The following PTPRM variants were observed in gnomAD, a reference collection of about 807,000 sequenced individuals.
PTPRM encodes receptor-type tyrosine-protein phosphatase mu.
A neutral mutation model predicts 186.7 loss-of-function variants in PTPRM; 47 were observed. The observed-to-expected ratio is 0.25, with a 90% CI of 0.20 to 0.32. The LOEUF is 0.32. Ranked by LOEUF, PTPRM falls within the 10% of genes least tolerant of loss-of-function variation. The pLI, the probability that PTPRM is intolerant of heterozygous loss-of-function variation, is 1.00. For missense variants in PTPRM, 1,494 were observed against 1,865.0 expected, an observed-to-expected ratio of 0.80 and a Z score of 3.66; for synonymous variants, 668 against 674.9, an observed-to-expected ratio of 0.99 and a Z score of 0.16.
At chr18:7,788,417 ATATACT>A (rs2043188754) in intron 2 of PTPRM, among the ~76,000 whole-genome samples, 2 of 152,336 alleles carry the variant, frequency 1.3e-5, no homozygotes, top group Admixed American at 1.3e-4. Flanking sequence ...AGTAGTATTC[ATATACT>A]TAGAATTAGG....
rs78675082 is a variant in PTPRM, at chr18:8,042,642, T to A, written c.1133-27044T>A. ...TTCTCCCCTACCCTTGAGCTTCAGA[T>A]CTAGTGTAAGTGACATGCTGGGTGT... On this transcript the variant is annotated intron_variant, in intron 7 of 32. Coordinates refer to ENST00000580170, the MANE Select transcript of PTPRM (RefSeq NM_001105244.2). 9.2e-5 allele frequency among the ~76,000 whole-genome samples: 14 copies of A among 152,134 alleles called. No homozygotes were observed. In the East Asian group the frequency reaches 2.7e-3, roughly 30 times the overall value.
chr18:8,089,392 G>A (rs977106894), intron 11 of PTPRM, among the ~76,000 whole-genome samples: 3 of 152,244 alleles, frequency 2.0e-5, no homozygotes, highest in South Asian at 4.1e-4. Context: ...ATCTAGGCCC[G>A]CATCTTATTC....
chr18:8,088,962 A>G, intron 11 of PTPRM, 111 bp downstream of exon 11: 1 of 807,774 alleles, frequency 1.2e-6, no homozygotes, highest in Non-Finnish European at 2.0e-6. Context: ...CCAGCATGTA[A>G]ATCCATATGT....
At chr18:7,750,575 C>A (rs1014409990) in intron 1 of PTPRM, among the ~76,000 whole-genome samples, 2 of 152,120 alleles carry the variant, frequency 1.3e-5, no homozygotes, top group Non-Finnish European at 2.9e-5. Flanking sequence ...ATATTTAAGA[C>A]CCTCCAACGC....
chr18:7,706,039 A>T (rs2040080899), intron 1 of PTPRM, among the ~76,000 whole-genome samples: 1 of 148,796 alleles, frequency 6.7e-6, no homozygotes. Flanking sequence ...CATACTATAT[A>T]TGTGTGTGTA....
intron 14 of PTPRM, among the ~76,000 whole-genome samples, chr18:8,222,674 T>G (rs1337366144): frequency 1.3e-5 from 2 of 152,230 alleles, no homozygotes; most frequent in Admixed American, 1.3e-4. Context: ...ATTATTCTCC[T>G]GCTCAGCAGG....
At chr18:8,129,062 GA>G (rs1487930886) in intron 13 of PTPRM, among the ~76,000 whole-genome samples, 1 of 151,996 alleles carries the variant, frequency 6.6e-6, no homozygotes, top group Non-Finnish European at 1.5e-5. Context: ...AAAGAATACT[GA>G]AAAGAAAGTT....
At chr18:7,996,186 A>G (rs1362554008) in intron 7 of PTPRM, among the ~76,000 whole-genome samples, 1 of 151,938 alleles carries the variant, frequency 6.6e-6, no homozygotes, top group East Asian at 1.9e-4. Context: ...TCTTTCTTAA[A>G]AAAAAAAATA....
At chr18:8,221,795 A>G (rs2094156081) in intron 14 of PTPRM, among the ~76,000 whole-genome samples, 1 of 152,186 alleles carries the variant, frequency 6.6e-6, no homozygotes, top group Admixed American at 6.5e-5. Context: ...TGGCCTACAG[A>G]TTTCCCTGTG....
At chr18:8,202,477 A>G (rs1338812420) in intron 14 of PTPRM, among the ~76,000 whole-genome samples, 1 of 152,188 alleles carries the variant, frequency 6.6e-6, no homozygotes, top group African/African-American at 2.4e-5. Flanking sequence ...TGCCTATGGC[A>G]TGCAGAAATT....
chr18:8,147,082 A>T (rs570822297), intron 14 of PTPRM, among the ~76,000 whole-genome samples: 1 of 152,120 alleles, frequency 6.6e-6, no homozygotes, highest in Non-Finnish European at 1.5e-5. Context: ...GTCAGGTAGC[A>T]TGATGCCTCC....
At chr18:8,114,497 A>G (rs922661964) in intron 12 of PTPRM, among the ~76,000 whole-genome samples, 2 of 152,122 alleles carry the variant, frequency 1.3e-5, no homozygotes, top group African/African-American at 4.8e-5. Flanking sequence ...CAAAGTACAG[A>G]TCTGGTCCTT....
intron 2 of PTPRM, among the ~76,000 whole-genome samples, chr18:7,887,391 G>A (rs1301961997): frequency 6.6e-6 from 1 of 152,148 alleles, no homozygotes; most frequent in Non-Finnish European, 1.5e-5. Context: ...CTTCAGTTGG[G>A]ACAATGATTG....
At chr18:8,181,654 C>T (rs761237368) in intron 14 of PTPRM, among the ~76,000 whole-genome samples, 2 of 152,154 alleles carry the variant, frequency 1.3e-5, no homozygotes, top group South Asian at 2.1e-4. Context: ...AGAGTAAAAT[C>T]GTTTTGTGAA....
intron 1 of PTPRM, among the ~76,000 whole-genome samples, chr18:7,612,710 G>C (rs539112312): frequency 6.6e-6 from 1 of 152,280 alleles, no homozygotes; most frequent in South Asian, 2.1e-4. Context: ...AAGAGAAGCT[G>C]AAATGCCCTT....
chr18:7,724,552 C>T (rs1190433858), intron 1 of PTPRM, among the ~76,000 whole-genome samples: 6 of 152,140 alleles, frequency 3.9e-5, no homozygotes, highest in South Asian at 2.1e-4. Context: ...TCTGTAAGAT[C>T]GATTACTTGA....
At chr18:8,240,653 GAA>G (rs1491467794) in intron 14 of PTPRM, among the ~76,000 whole-genome samples, 1,246 of 16,724 alleles carry the variant, frequency 0.075, 62 homozygotes, top group Non-Finnish European at 0.1. Flanking sequence ...GAGAGAGAGA[GAA>G]AGAAAGAAAG....
At chr18:8,050,299 A>T (rs10513902) in intron 7 of PTPRM, among the ~76,000 whole-genome samples, 32,719 of 152,142 alleles carry the variant, frequency 0.22, 4,383 homozygotes, top group South Asian at 0.33. Flanking sequence ...AGACGATAAG[A>T]GCATGAATTA....
intron 10 of PTPRM, among the ~76,000 whole-genome samples, chr18:8,088,000 T>C (rs2090518643): frequency 6.6e-6 from 1 of 152,130 alleles, no homozygotes; most frequent in Admixed American, 6.6e-5. Flanking sequence ...GCCTTAGAAA[T>C]AGGATTTACA....
Sources: gnomAD v4.1 joint callset for allele counts (sites outside exome capture counted in the v4.1 genomes callset) on GRCh38, gnomAD v4.1.1 for gene constraint, MANE v1.5 for transcripts, NCBI Gene and HGNC (gene_info 2026-07-23, HGNC 2026-07-21) for gene names.